CACNA2D3: variants seen among roughly 807,000 people sequenced by gnomAD.
CACNA2D3 encodes voltage-dependent calcium channel subunit alpha-2/delta-3.
A neutral mutation model predicts 160.6 loss-of-function variants in CACNA2D3; 60 were observed. The observed-to-expected ratio is 0.37, with a 90% CI of 0.30 to 0.46. CACNA2D3 has a LOEUF of 0.46. Among genes scored for constraint, CACNA2D3 ranks in the 20% least tolerant of loss-of-function variants. The probability of loss-of-function intolerance (pLI) is 1.00; values close to 1 mark genes in which losing one functional copy is unlikely to be tolerated. For missense variants in CACNA2D3, 1,205 were observed against 1,365.0 expected (o/e 0.88, Z 1.85); for synonymous variants, 558 against 492.9 (o/e 1.13, Z -1.75).
intron 2 of CACNA2D3, among the ~76,000 whole-genome samples, chr3:54,277,307 C>T (rs954005070): frequency 6.6e-4 from 100 of 152,246 alleles, no homozygotes; most frequent in African/African-American, 2.2e-3. Flanking sequence ...TTTTTGTATA[C>T]GATGTCACGA....
At chr3:54,518,267 G>A (rs1478804921) in intron 5 of CACNA2D3, among the ~76,000 whole-genome samples, 1 of 152,174 alleles carries the variant, frequency 6.6e-6, no homozygotes, top group Non-Finnish European at 1.5e-5. Context: ...TCCTGTGAGA[G>A]TTCCGTAAGG....
At chr3:54,600,511 C>T (rs1232895558) in intron 9 of CACNA2D3, among the ~76,000 whole-genome samples, 1 of 152,138 alleles carries the variant, frequency 6.6e-6, no homozygotes, top group Admixed American at 6.5e-5. Flanking sequence ...GGAGAACATG[C>T]AGCACAGATC....
intron 2 of CACNA2D3, among the ~76,000 whole-genome samples, chr3:54,303,358 TC>T (rs1447005329): frequency 6.6e-6 from 1 of 152,220 alleles, no homozygotes; most frequent in Non-Finnish European, 1.5e-5. Flanking sequence ...GCGAAAATTT[TC>T]TTCTAATTGT....
intron 13 of CACNA2D3, among the ~76,000 whole-genome samples, chr3:54,797,591 T>A (rs900718704): frequency 6.6e-6 from 1 of 152,238 alleles, no homozygotes; most frequent in African/African-American, 2.4e-5. Flanking sequence ...TTGAGCCATT[T>A]CACTTTTGCA....
At chr3:54,249,408 A>G (rs1476365726) in intron 2 of CACNA2D3, among the ~76,000 whole-genome samples, 2 of 152,126 alleles carry the variant, frequency 1.3e-5, no homozygotes, top group Non-Finnish European at 2.9e-5. Flanking sequence ...CTGGCATCCC[A>G]GAGTGAGAAG....
intron 9 of CACNA2D3, among the ~76,000 whole-genome samples, chr3:54,625,763 A>G (rs62255535): frequency 0.18 from 26,782 of 152,124 alleles, 3,113 homozygotes; most frequent in Non-Finnish European, 0.25. Flanking sequence ...GCCCAGCTCA[A>G]TGACTGGGGG....
At chr3:54,741,770 A>G (rs1349173497) in intron 11 of CACNA2D3, among the ~76,000 whole-genome samples, 1 of 152,184 alleles carries the variant, frequency 6.6e-6, no homozygotes, top group East Asian at 1.9e-4. Context: ...ATACTTTACA[A>G]TAAACCTTGA....
chr3:54,836,972 G>A (rs1698704561), intron 14 of CACNA2D3, among the ~76,000 whole-genome samples, 187 bp from the exon 15 acceptor site: 1 of 152,166 alleles, frequency 6.6e-6, no homozygotes, highest in African/African-American at 2.4e-5. Context: ...TCCCCAGCTG[G>A]GGGCTGGGAC....
chr3:54,587,295 G>A (rs947421769), intron 9 of CACNA2D3, among the ~76,000 whole-genome samples: 1 of 152,072 alleles, frequency 6.6e-6, no homozygotes, highest in African/African-American at 2.4e-5. Flanking sequence ...GGTGGCTCAA[G>A]CATGTAATCC....
At chr3:54,698,405 T>C (rs1325436380) in intron 11 of CACNA2D3, among the ~76,000 whole-genome samples, 1 of 152,162 alleles carries the variant, frequency 6.6e-6, no homozygotes. Flanking sequence ...ACAGCTAGAG[T>C]TGTCTGTTTT....
chr3:54,951,068 A>G lies in CACNA2D3; in HGVS notation c.2450-17382A>G, dbSNP rs527428437. On this transcript the variant is annotated intron_variant, in intron 27 of 37. Coordinates refer to ENST00000474759, the MANE Select transcript of CACNA2D3 (RefSeq NM_018398.3). ...CATAGAAAATGTAACTTGTTTTCCT[A>G]TATGCTGCCAAAAAAATCTACAGAA... Among the ~76,000 whole-genome samples, 114 of 152,368 alleles carry G rather than the reference A, an allele frequency of 7.5e-4. 1 individual carries two copies. The highest frequency in any genetic ancestry group is 6.8e-3 in the South Asian group (33 of 4,822).
intron 2 of CACNA2D3, among the ~76,000 whole-genome samples, chr3:54,253,857 A>G (rs527811452): frequency 4.6e-5 from 7 of 151,946 alleles, no homozygotes; most frequent in Admixed American, 2.0e-4. Flanking sequence ...AACCTCTGCC[A>G]CCCACGTTCA....
At chr3:54,931,044 C>T (rs975383058) in intron 27 of CACNA2D3, among the ~76,000 whole-genome samples, 5 of 152,108 alleles carry the variant, frequency 3.3e-5, no homozygotes, top group African/African-American at 9.7e-5. Flanking sequence ...TGTAGTGAGC[C>T]GAGATCGTGC....
chr3:54,380,751 A>T (rs1464037574), intron 3 of CACNA2D3, among the ~76,000 whole-genome samples: 1 of 152,066 alleles, frequency 6.6e-6, no homozygotes, highest in Admixed American at 6.5e-5. Flanking sequence ...CAAAAAAACA[A>T]AAGCCACTGA....
At chr3:54,891,064 A>G (rs1236287122) in intron 24 of CACNA2D3, among the ~76,000 whole-genome samples, 2 of 152,088 alleles carry the variant, frequency 1.3e-5, no homozygotes, top group African/African-American at 2.4e-5. Context: ...AGATGTGTGT[A>G]TGGTTGGAAG....
chr3:54,309,895 G>A (rs1703698212), intron 2 of CACNA2D3, among the ~76,000 whole-genome samples: 1 of 151,882 alleles, frequency 6.6e-6, no homozygotes, highest in Non-Finnish European at 1.5e-5. Context: ...AGAAGTAGGG[G>A]CTGAGCCACT....
chr3:54,339,179 G>A (rs950521117), intron 3 of CACNA2D3, among the ~76,000 whole-genome samples: 2 of 152,066 alleles, frequency 1.3e-5, no homozygotes, highest in African/African-American at 2.4e-5. Flanking sequence ...AGTTCCCTCC[G>A]GGACCTCCCT....
chr3:54,883,829 T>TCTCTCTCTCCCC (rs753661413), intron 21 of CACNA2D3, among the ~76,000 whole-genome samples: 1 of 145,704 alleles, frequency 6.9e-6, no homozygotes, highest in African/African-American at 2.6e-5. Flanking sequence ...CTCTCCTCTC[T>TCTCTCTCTCCCC]CTCCCTTCAA....
chr3:54,655,524 A>G (rs1699861424), intron 11 of CACNA2D3, among the ~76,000 whole-genome samples: 1 of 152,218 alleles, frequency 6.6e-6, no homozygotes, highest in Non-Finnish European at 1.5e-5. Flanking sequence ...TTTATCCTGA[A>G]TATGGATTAA....
Sources: allele counts gnomAD v4.1 joint callset (sites outside exome capture counted in the v4.1 genomes callset), GRCh38; gene constraint gnomAD v4.1.1; transcripts MANE v1.5; gene names NCBI Gene and HGNC (gene_info 2026-07-23, HGNC 2026-07-21).